ADAMTSL5: variants seen among roughly 807,000 people sequenced by gnomAD.
The protein encoded by ADAMTSL5 is ADAMTS-like protein 5.
In ADAMTSL5, 53 loss-of-function variants were observed where a neutral mutation model predicts 51.7. The observed-to-expected ratio is 1.03, with a 90% CI of 0.82 to 1.29. ADAMTSL5 has a LOEUF of 1.29. Among genes scored for constraint, ADAMTSL5 ranks in the 50% most tolerant of loss-of-function variants. ADAMTSL5 has a pLI of 0.00. For synonymous variants in ADAMTSL5, 285 were observed against 278.7 expected (o/e 1.02, Z -0.23); for missense variants, 770 against 676.2 (o/e 1.14, Z -1.54).
chr19:1,512,684 ACAAC>A (rs766230964), intron 1 of ADAMTSL5, among the ~76,000 whole-genome samples: 3 of 152,036 alleles, frequency 2.0e-5, no homozygotes, highest in African/African-American at 7.2e-5. Context: ...AGTCTCAAAA[ACAAC>A]CAACCAACCA....
intron 5 of ADAMTSL5, among the ~76,000 whole-genome samples, chr19:1,509,658 G>GA (rs1455894894): frequency 2.3e-5 from 2 of 88,700 alleles, no homozygotes; most frequent in African/African-American, 7.1e-5. Flanking sequence ...GGAAGGAAGG[G>GA]AAGGGAGAAA....
chr19:1,506,950 AG>A lies in ADAMTSL5; in HGVS notation c.853-23del. ...GGACCTGGAGCAGGGGAGGGGACACAGGGAGCTTCACAGGAGGCTGGGGTTG... is the reference window on the plus strand; with the variant it reads ...GGACCTGGAGCAGGGGAGGGGACACAGGAGCTTCACAGGAGGCTGGGGTTG... On this transcript the variant is annotated intron_variant, in intron 9 of 11. Transcript: ENST00000330475. The surrounding 1 kb of genome is among the most constrained non-coding windows in gnomAD (Gnocchi z 5.6). 1 of 1,536,410 alleles carries A rather than the reference AG, an allele frequency of 6.5e-7. No individual in the cohort carries two copies. The highest frequency in any genetic ancestry group is 1.2e-5 in the South Asian group (1 of 82,538).
At chr19:1,507,177 G>A in intron 9 of ADAMTSL5, 65 bp downstream of exon 9, 6 of 1,495,060 alleles carry the variant, frequency 4.0e-6, no homozygotes, top group Non-Finnish European at 5.3e-6. Context: ...CCTACCCTCT[G>A]TCCCCAGCCT....
rs772350699 is a variant in ADAMTSL5 at position 1,506,802 on chromosome 19, C to G, written c.979G>C (p.Val327Leu). 2.3e-5 allele frequency: 35 copies of G among 1,538,022 alleles called. No individual in the cohort carries two copies. Among genetic ancestry groups the G allele is most frequent in the Non-Finnish European group, 1.3e-5 (15 of 1,143,096 alleles). The change falls in exon 10 of 12, where the codon GTG becomes CTG. Residue 327 changes from valine to leucine, a missense_variant. Coordinates refer to ENST00000330475, the MANE Select transcript of ADAMTSL5 (RefSeq NM_213604.3). The surrounding 1 kb of genome is among the most constrained non-coding windows in gnomAD (Gnocchi z 5.6). The part of the protein sequence containing the change: ...WPLRQPQPRG[V>L]EPQPPAAPAV... ...GGGGCTGCGGGGGGCTGAGGCTCCA[C>G]CCCCCGGGGCTGAGGCTGCCTCAGG...
At chr19:1,510,545 G>A in intron 3 of ADAMTSL5, 94 bp downstream of exon 3, 1 of 1,486,710 alleles carries the variant, frequency 6.7e-7, no homozygotes, top group Non-Finnish European at 9.0e-7. Flanking sequence ...GGATTAAAGG[G>A]CACAGCATGT....
rs1462642358 is a variant in ADAMTSL5, at chr19:1,506,258, C to T, written c.1173G>A (p.Val391=). 1 of 1,569,380 alleles carries T rather than the reference C, an allele frequency of 6.4e-7. No individual in the cohort carries two copies. Among genetic ancestry groups the T allele is most frequent in the East Asian group, 2.3e-5 (1 of 44,342 alleles). ...GGTTCTTGTAGACGAGCTGGATGCG[C>T]ACCTCATAGCGGGTCTCCTGGGCCT... is the stretch of plus-strand genomic sequence containing the variant. ...HHQAQETRYE[V]RIQLVYKNRS... Residue 391 remains valine, a synonymous_variant, in exon 12 of 12, where the codon GTG becomes GTA. Coordinates refer to ENST00000330475, the MANE Select transcript of ADAMTSL5 (RefSeq NM_213604.3). This position sits in a 1 kb window ranked among gnomAD's most constrained non-coding sequence, Gnocchi z 5.6.
chr19:1,508,174 A>C (rs1456859786), intron 6 of ADAMTSL5, 65 bp from the exon 7 acceptor site: 1 of 1,448,482 alleles, frequency 6.9e-7, no homozygotes, highest in African/African-American at 3.2e-5. Context: ...GGGAAAGGGC[A>C]GTGCCTGGGA....
At chr19:1,512,095 G>C (rs1176017434) in intron 1 of ADAMTSL5, among the ~76,000 whole-genome samples, 3 of 151,564 alleles carry the variant, frequency 2.0e-5, no homozygotes, top group Non-Finnish European at 2.9e-5. Flanking sequence ...GGGGGAAAGA[G>C]GGGGGAAGGG....
Position 1,505,370 on chromosome 19 carries a change from A to G in ADAMTSL5, c.*645T>C, listed in dbSNP as rs1227915935. 1.7e-5 allele frequency: 1 copy of G among 58,036 alleles called. No homozygotes were observed. Among genetic ancestry groups the G allele is most frequent in the East Asian group, 5.8e-4 (1 of 1,726 alleles). 3.6% of individuals were successfully genotyped at this position (58,036 alleles called of 1,614,324 possible). On this transcript the variant is annotated 3_prime_UTR_variant, in exon 12 of 12. Coordinates refer to ENST00000330475, the MANE Select transcript of ADAMTSL5 (RefSeq NM_213604.3). ...GTGACAGAGCAAGGGTCTACCTCAG[A>G]AAAAAAAAAAAAGGAGGAGCAAGCA... is the stretch of plus-strand genomic sequence containing the variant.
Position 1,511,020 on chromosome 19 carries a change from C to T in ADAMTSL5, c.-77G>A. The T allele has an allele frequency of 9.1e-7, 1 of 1,099,812 alleles. No individual in the cohort carries two copies. The highest frequency in any genetic ancestry group is 1.2e-6 in the Non-Finnish European group (1 of 835,222). The allele number at this position is 1,099,812 out of a possible 1,614,324, so 68.1% of individuals were successfully genotyped here. A position where few individuals can be genotyped will look rare whatever the true frequency, so the allele number is the denominator to read the frequency against. ...TGTGTGATCTTGGAAAGTAACTAAA[C>T]CTCTCTGAGCCCTACCTCTCGTCTC... On this transcript the variant is annotated 5_prime_UTR_variant, in exon 2 of 12. Coordinates refer to ENST00000330475, the MANE Select transcript of ADAMTSL5 (RefSeq NM_213604.3).
chr19:1,506,065 G>C lies in ADAMTSL5; in HGVS notation c.1366C>G (p.Pro456Ala). Residue 456 changes from proline (P) to alanine (A), a missense_variant, in exon 12 of 12, where the codon CCT (proline) becomes GCT (alanine). By Grantham distance (27) the Pro-to-Ala change is conservative. Transcript: ENST00000330475. The surrounding 1 kb of genome is among the most constrained non-coding windows in gnomAD (Gnocchi z 5.6). Reference protein sequence around the residue: ...PHAGYARPWSPAEDSRIRLTA... With the variant: ...PHAGYARPWSAAEDSRIRLTA... The stretch of plus-strand genomic sequence containing the variant: ...AGGCGTATGCGGCTGTCCTCCGCAG[G>C]GCTCCAGGGCCGGGCGTAGCCGGCG... 1 of 1,594,934 alleles carries C rather than the reference G, an allele frequency of 6.3e-7. No individual in the cohort carries two copies. Among genetic ancestry groups the C allele is most frequent in the Non-Finnish European group, 8.5e-7 (1 of 1,175,286 alleles).
intron 1 of ADAMTSL5, chr19:1,511,717 T>C: frequency 1.7e-6 from 1 of 587,826 alleles, no homozygotes; most frequent in South Asian, 1.5e-5. Context: ...AGTCCATGAT[T>C]CTGTGACACC....
In ADAMTSL5 at chr19:1,507,647, G is replaced by T. The variant is rs1913018999; in HGVS notation, c.602-4C>A. On this transcript the variant is annotated splice_region_variant and splice_polypyrimidine_tract_variant and intron_variant, in intron 7 of 11. Transcript: ENST00000330475. ...TTCCAGTACCCAGCGAAGGCACCTG[G>T]GTGGGAGGGTAGGAGGGTGTTGGGG... 1 of 1,613,242 alleles carries T rather than the reference G, an allele frequency of 6.2e-7. No individual in the cohort carries two copies. Among genetic ancestry groups the T allele is most frequent in the African/African-American group, 1.3e-5 (1 of 74,934 alleles).
At chr19:1,508,241 C>A in intron 6 of ADAMTSL5, 132 bp from the exon 7 acceptor site, 1 of 1,042,660 alleles carries the variant, frequency 9.6e-7, no homozygotes, top group Non-Finnish European at 1.3e-6. Flanking sequence ...GGAGCAGGAC[C>A]TGGCGGGAGG....
chr19:1,507,412 G>A lies in ADAMTSL5; in HGVS notation c.689-7C>T. The A allele has an allele frequency of 1.3e-6, 2 of 1,581,216 alleles. No individual in the cohort carries two copies. The highest frequency in any genetic ancestry group is 1.7e-6 in the Non-Finnish European group (2 of 1,162,314). On this transcript the variant is annotated splice_polypyrimidine_tract_variant and splice_region_variant and intron_variant, in intron 8 of 11. Coordinates refer to ENST00000330475, the MANE Select transcript of ADAMTSL5 (RefSeq NM_213604.3). ...CCATCGCCCCCCATCAGTGCTGCAA[G>A]GGAACAGTCAGCCCTCAGGAACCTG...
Position 1,508,443 on chromosome 19 carries a change from A to G in ADAMTSL5, c.489T>C (p.Leu163=), listed in dbSNP as rs1179242696. 3 of 1,550,836 alleles carry G rather than the reference A, an allele frequency of 1.9e-6. No individual in the cohort carries two copies. The highest frequency in any genetic ancestry group is 1.2e-5 in the South Asian group (1 of 84,366). The change falls in exon 6 of 12, where the codon CTT becomes CTC. Residue 163 remains leucine (L), a splice_region_variant and synonymous_variant. Coordinates refer to ENST00000330475, the MANE Select transcript of ADAMTSL5 (RefSeq NM_213604.3). ...CGGGCGGGGCCTGACGAGTCCTTACAAGGCAGCGGCCAGCCACGCAGACCC... is the reference window on the plus strand; with the variant it reads ...CGGGCGGGGCCTGACGAGTCCTTACGAGGCAGCGGCCAGCCACGCAGACCC... The part of the protein sequence containing the change: ...AQGVCVAGRC[L]SAGCDGLLGS...
At position 1,510,864 on chromosome 19, in the gene ADAMTSL5, C is replaced by G; in HGVS notation, c.80G>C (p.Gly27Ala). 1 of 1,541,808 alleles carries G rather than the reference C, an allele frequency of 6.5e-7. No individual in the cohort carries two copies. The highest frequency in any genetic ancestry group is 8.7e-7 in the Non-Finnish European group (1 of 1,151,308). Residue 27 changes from glycine to alanine, a missense_variant, in exon 2 of 12, where the codon GGT becomes GCT. Transcript: ENST00000330475. ...LLFLWALLNC[G>A]LGVSAQGPGE... ...CCTTACCTGAGCACTGACCCCCAAA[C>G]CACAGTTCAGCAGGGCCCACAGGAA... is the stretch of plus-strand genomic sequence containing the variant.
At chr19:1,512,368 C>T (rs981204113) in intron 1 of ADAMTSL5, among the ~76,000 whole-genome samples, 1 of 152,318 alleles carries the variant, frequency 6.6e-6, no homozygotes, top group Admixed American at 6.5e-5. Flanking sequence ...AGGAAGAAGT[C>T]TGCACCAGAA....
chr19:1,508,568 G>T lies in ADAMTSL5; in HGVS notation c.364C>A (p.Pro122Thr), dbSNP rs1366458033. The T allele has an allele frequency of 6.4e-7, 1 of 1,551,652 alleles. No homozygotes were observed. The highest frequency in any genetic ancestry group is 1.9e-5 in the Admixed American group (1 of 53,552). Residue 122 changes from proline to threonine, a missense_variant and splice_region_variant, in exon 6 of 12, where the codon CCC (proline) becomes ACC (threonine). Coordinates refer to ENST00000330475, the MANE Select transcript of ADAMTSL5 (RefSeq NM_213604.3). ...AGGCAGTTGAGGTCGCACTGGTTGG[G>T]CGCTGAGGGCAGGAGGAGTCGGTGG... Reference protein sequence around the residue: ...TYQWVPFHGAPNQCDLNCLAE... With the variant: ...TYQWVPFHGATNQCDLNCLAE...
Sources: allele counts gnomAD v4.1 joint callset (sites outside exome capture counted in the v4.1 genomes callset), GRCh38; gene constraint gnomAD v4.1.1; non-coding constraint Gnocchi (gnomAD v3.1); transcripts MANE v1.5; gene names NCBI Gene and HGNC (gene_info 2026-07-23, HGNC 2026-07-21).